HDGFL3: variants seen among roughly 807,000 people sequenced by gnomAD.
HDGFL3 encodes HDGF like 3.
In HDGFL3, 6 loss-of-function variants were observed where a neutral mutation model predicts 27.6. That is an observed-to-expected ratio of 0.22 (90% CI 0.12 to 0.43). The LOEUF (loss-of-function observed/expected upper bound fraction) is 0.43, where lower values mean the gene tolerates loss of function less well. HDGFL3 is among the 20% of genes least tolerant of loss of function. HDGFL3 has a pLI of 1.00. For missense variants in HDGFL3, 207 were observed against 250.1 expected, an observed-to-expected ratio of 0.83 and a Z score of 1.16; for synonymous variants, 88 against 88.9, an observed-to-expected ratio of 0.99 and a Z score of 0.05.
chr15:83,128,333 G>C lies in HDGFL3; in HGVS notation c.*10937C>G, dbSNP rs2035950964. Reference sequence around the variant, plus strand: ...TCAATGCATTAAATCCTTTCAGTTTGAGGTAATTCTTAATTATAAAATTAG... The same window carrying C: ...TCAATGCATTAAATCCTTTCAGTTTCAGGTAATTCTTAATTATAAAATTAG... On this transcript the variant is annotated 3_prime_UTR_variant, in exon 6 of 6. Transcript: ENST00000299633. 6.6e-6 allele frequency: 1 copy of C among 152,140 alleles called. No homozygotes were observed. Among genetic ancestry groups the C allele is most frequent in the South Asian group, 2.1e-4 (1 of 4,828 alleles). The allele number at this position is 152,140 out of a possible 1,614,324, so 9.4% of individuals were successfully genotyped here. A position where few individuals can be genotyped will look rare whatever the true frequency, so the allele number is the denominator to read the frequency against.
chr15:83,148,680 C>T (rs77034441), intron 5 of HDGFL3, among the ~76,000 whole-genome samples: 2 of 151,730 alleles, frequency 1.3e-5, no homozygotes, highest in Non-Finnish European at 2.9e-5. Flanking sequence ...AACTGCCCAT[C>T]AATAGGAGAC....
intron 3 of HDGFL3, chr15:83,115,882 C>G: frequency 6.2e-7 from 1 of 1,614,146 alleles, no homozygotes; most frequent in Non-Finnish European, 8.5e-7. Flanking sequence ...TGGTGAACCT[C>G]ATCATAGGAC....
At chr15:83,154,243 G>A (rs2036999357) in intron 4 of HDGFL3, among the ~76,000 whole-genome samples, 1 of 151,936 alleles carries the variant, frequency 6.6e-6, no homozygotes, top group Admixed American at 6.6e-5. Context: ...GGCTGAGGTG[G>A]GAGGGCAGCT....
In HDGFL3 at chr15:83,138,947, A is replaced by G. The variant is rs2036711659; in HGVS notation, c.*323T>C. The G allele has an allele frequency of 4.9e-6, 1 of 204,130 alleles. No individual in the cohort carries two copies. The highest frequency in any genetic ancestry group is 9.8e-6 in the Non-Finnish European group (1 of 102,280). The allele number at this position is 204,130 out of a possible 1,614,324, so 12.6% of individuals were successfully genotyped here. A position where few individuals can be genotyped will look rare whatever the true frequency, so the allele number is the denominator to read the frequency against. On this transcript the variant is annotated 3_prime_UTR_variant, in exon 6 of 6. Transcript: ENST00000299633. Reference sequence around the variant, plus strand: ...TTGATGATGGTGGGGTCAAGGCAGGAAAACGATGATCATAACTGCCTTGAT... The same window carrying G: ...TTGATGATGGTGGGGTCAAGGCAGGGAAACGATGATCATAACTGCCTTGAT...
chr15:83,159,448 G>C (rs2037070878), intron 2 of HDGFL3, among the ~76,000 whole-genome samples: 2 of 152,230 alleles, frequency 1.3e-5, no homozygotes, highest in South Asian at 2.1e-4. Flanking sequence ...TATTCCAGAG[G>C]AGCTACAGGG....
Position 83,174,683 on chromosome 15 carries a change from T to C in HDGFL3, c.85-10608A>G, listed in dbSNP as rs542080162. Among the ~76,000 whole-genome samples the C allele has an allele frequency of 1.6e-3, 237 of 152,294 alleles. 3 individuals are homozygous for C. Among genetic ancestry groups the C allele is most frequent in the Admixed American group, 4.4e-3 (68 of 15,296 alleles). On this transcript the variant is annotated intron_variant, in intron 1 of 5. Coordinates refer to ENST00000299633, the MANE Select transcript of HDGFL3 (RefSeq NM_016073.4). ...AAATGGCCAAAAATAAAACTTAAAA[T>C]GTATGTATATGGTTATGTGATAGGC...
At chr15:83,152,025 T>C (rs1388982262) in intron 4 of HDGFL3, among the ~76,000 whole-genome samples, 3 of 152,126 alleles carry the variant, frequency 2.0e-5, no homozygotes, top group Non-Finnish European at 2.9e-5. Flanking sequence ...GCCTCAAGAG[T>C]TGCTTGGCAG....
chr15:83,195,576 C>T (rs1201918125), intron 1 of HDGFL3, among the ~76,000 whole-genome samples: 1 of 151,970 alleles, frequency 6.6e-6, no homozygotes, highest in East Asian at 1.9e-4. Flanking sequence ...ATCACAGTTA[C>T]TAACCCAGAA....
At chr15:83,198,644 C>T (rs1387326446) in intron 1 of HDGFL3, among the ~76,000 whole-genome samples, 3 of 152,134 alleles carry the variant, frequency 2.0e-5, no homozygotes, top group Admixed American at 6.5e-5. Context: ...ATCTGCTCAG[C>T]TTCTGGTAAG....
rs991140610 is a variant in HDGFL3 at position 83,133,563 on chromosome 15, C to G, written c.*5707G>C. The G allele has an allele frequency of 2.6e-5, 4 of 152,164 alleles. No homozygotes were observed. Among genetic ancestry groups the G allele is most frequent in the Admixed American group, 2.6e-4 (4 of 15,284 alleles). The allele number at this position is 152,164 out of a possible 1,614,324, so 9.4% of individuals were successfully genotyped here. A position where few individuals can be genotyped will look rare whatever the true frequency, so the allele number is the denominator to read the frequency against. ...GAAGTGGAAGAAAAATTATTAGGGACTCAACCTCACATTGCTAAATTCTGG... is the reference window on the plus strand; with the variant it reads ...GAAGTGGAAGAAAAATTATTAGGGAGTCAACCTCACATTGCTAAATTCTGG... On this transcript the variant is annotated 3_prime_UTR_variant, in exon 6 of 6. Coordinates refer to ENST00000299633, the MANE Select transcript of HDGFL3 (RefSeq NM_016073.4).
At chr15:83,169,647 C>T (rs1329670579) in intron 1 of HDGFL3, among the ~76,000 whole-genome samples, 1 of 151,226 alleles carries the variant, frequency 6.6e-6, no homozygotes, top group Admixed American at 6.6e-5. Context: ...CTAAAAATAC[C>T]AAAATTAGCT....
chr15:83,197,836 C>T (rs961859090), intron 1 of HDGFL3, among the ~76,000 whole-genome samples: 5 of 151,926 alleles, frequency 3.3e-5, no homozygotes, highest in African/African-American at 7.3e-5. Context: ...GAGTTCGAGA[C>T]CAGCCTGCCC....
At chr15:83,148,068 T>G (rs1823616775) in intron 5 of HDGFL3, among the ~76,000 whole-genome samples, 2 of 152,158 alleles carry the variant, frequency 1.3e-5, no homozygotes, top group South Asian at 4.1e-4. Context: ...ATTAACACTA[T>G]AATGACCATT....
intron 1 of HDGFL3, among the ~76,000 whole-genome samples, chr15:83,202,881 C>T (rs2037665684): frequency 6.6e-6 from 1 of 152,052 alleles, no homozygotes; most frequent in Non-Finnish European, 1.5e-5. Context: ...TGTGAATATA[C>T]TACAAATTTG....
intron 1 of HDGFL3, among the ~76,000 whole-genome samples, chr15:83,190,616 T>C (rs2037500237): frequency 6.6e-6 from 1 of 152,216 alleles, no homozygotes; most frequent in Non-Finnish European, 1.5e-5. Context: ...CTTTTGCCCA[T>C]TTTCCCATTG....
chr15:83,200,206 C>CTACAG (rs1567178772), intron 1 of HDGFL3, among the ~76,000 whole-genome samples: 4 of 151,486 alleles, frequency 2.6e-5, no homozygotes, highest in African/African-American at 9.7e-5. Context: ...ATCAGCCCAG[C>CTACAG]GTGGTGGTGG....
intron 1 of HDGFL3, among the ~76,000 whole-genome samples, chr15:83,181,240 G>A (rs1189564524): frequency 6.6e-6 from 1 of 152,174 alleles, no homozygotes; most frequent in Admixed American, 6.5e-5. Context: ...TACAGGGGAT[G>A]TATGCAGGCT....
chr15:83,202,795 C>G (rs1041116281), intron 1 of HDGFL3, among the ~76,000 whole-genome samples: 1 of 152,096 alleles, frequency 6.6e-6, no homozygotes, highest in Non-Finnish European at 1.5e-5. Context: ...TTCAATAACT[C>G]CTTTCTACCC....
intron 5 of HDGFL3, among the ~76,000 whole-genome samples, chr15:83,149,944 T>C (rs759470126): frequency 6.6e-6 from 1 of 152,100 alleles, no homozygotes; most frequent in Non-Finnish European, 1.5e-5. Flanking sequence ...ACCATGACAA[T>C]AGAAAGATGT....
Sources: allele counts gnomAD v4.1 joint callset (sites outside exome capture counted in the v4.1 genomes callset), GRCh38; gene constraint gnomAD v4.1.1; transcripts MANE v1.5; gene names NCBI Gene and HGNC (gene_info 2026-07-23, HGNC 2026-07-21).